The following PCDHGB2 variants were observed in gnomAD, a reference collection of about 807,000 sequenced individuals.
PCDHGB2 encodes the protein protocadherin gamma-B2.
A neutral mutation model predicts 59.3 loss-of-function variants in PCDHGB2; 55 were observed. The ratio of observed to expected loss-of-function variants is 0.93; its 90% CI spans 0.75 to 1.16. The LOEUF (loss-of-function observed/expected upper bound fraction) is 1.16. Ranked by LOEUF, PCDHGB2 falls within the 50% of genes most tolerant of loss-of-function variation. PCDHGB2 has a pLI of 0.00. For synonymous variants in PCDHGB2, 516 were observed against 512.0 expected (o/e 1.01, Z -0.11); for missense variants, 1,228 against 1,198.5 (o/e 1.02, Z -0.36).
rs1214164512 is a variant in PCDHGB2 at position 141,366,098 on chromosome 5, A to G, written c.2421+3542A>G. ...CGCAGAACCTGGCTACCTGGTGACC[A>G]AGGTGGTAGCGGTGGACAAAGATTC... On this transcript the variant is annotated intron_variant, in intron 1 of 3. Coordinates refer to ENST00000522605, the MANE Select transcript of PCDHGB2 (RefSeq NM_018923.3). The G allele has an allele frequency of 1.9e-6, 3 of 1,614,214 alleles. No homozygotes were observed. In the Admixed American group the frequency reaches 5.0e-5, roughly 27 times the overall value.
At chr5:141,422,576 C>T in intron 1 of PCDHGB2, 1 of 1,614,034 alleles carries the variant, frequency 6.2e-7, no homozygotes, top group South Asian at 1.1e-5. Context: ...AACGATAACC[C>T]TCCCGTTTTT....
rs769551114 is a variant in PCDHGB2, at chr5:141,402,989, T to A, written c.2421+40433T>A. On this transcript the variant is annotated intron_variant, in intron 1 of 3. Coordinates refer to ENST00000522605, the MANE Select transcript of PCDHGB2 (RefSeq NM_018923.3). ...AACCAAATGCCAGCTCCGCGGAAGA[T>A]TAGTCCTGCTATGCTCGCTCCTGGG... The A allele has an allele frequency of 2.5e-6, 4 of 1,611,874 alleles. No homozygotes were observed. Among genetic ancestry groups the A allele is most frequent in the Non-Finnish European group, 3.4e-6 (4 of 1,179,236 alleles).
At chr5:141,430,909 G>A (rs1054175762) in intron 1 of PCDHGB2, 2 of 1,607,160 alleles carry the variant, frequency 1.2e-6, no homozygotes, top group Non-Finnish European at 1.7e-6. Context: ...ACATCTCCAG[G>A]GACCTGGGGC....
Position 141,490,121 on chromosome 5 carries a change from G to A in PCDHGB2, c.2422-4686G>A. On this transcript the variant is annotated intron_variant, in intron 1 of 3. Coordinates refer to ENST00000522605, the MANE Select transcript of PCDHGB2 (RefSeq NM_018923.3). The surrounding 1 kb of genome is among the most constrained non-coding windows in gnomAD (Gnocchi z 5.4). Reference sequence around the variant, plus strand: ...TCTGAGGCAGTGCGGAACCTCTTTGGCCTAGACCCTAGCAGTGGGGCAATC... The same window carrying A: ...TCTGAGGCAGTGCGGAACCTCTTTGACCTAGACCCTAGCAGTGGGGCAATC... 1 of 1,614,256 alleles carries A rather than the reference G, an allele frequency of 6.2e-7. No individual in the cohort carries two copies. Among genetic ancestry groups the A allele is most frequent in the Non-Finnish European group, 8.5e-7 (1 of 1,180,052 alleles).
chr5:141,382,856 G>A, intron 1 of PCDHGB2: 1 of 1,504,886 alleles, frequency 6.6e-7, no homozygotes, highest in Non-Finnish European at 8.9e-7. Context: ...GCATTCTGAA[G>A]CACTTCCCGA....
At chr5:141,427,526 G>A (rs956426158) in intron 1 of PCDHGB2, 2 of 612,866 alleles carry the variant, frequency 3.3e-6, no homozygotes, top group Middle Eastern at 2.6e-4. Context: ...AGCGGATCCC[G>A]GAGTACAACG....
chr5:141,396,708 T>C (rs1402538886), intron 1 of PCDHGB2: 1 of 152,190 alleles, frequency 6.6e-6, no homozygotes, highest in Admixed American at 6.5e-5. Flanking sequence ...AGCATTTGAA[T>C]AAAGCTAATA....
chr5:141,409,820 C>T (rs1276944982), intron 1 of PCDHGB2: 4 of 1,610,926 alleles, frequency 2.5e-6, no homozygotes, highest in Non-Finnish European at 3.4e-6. Flanking sequence ...CCACGGCTCG[C>T]CCACGCTCAG....
At position 141,364,340 on chromosome 5, in the gene PCDHGB2, C is replaced by G. The variant is rs750695410; in HGVS notation, c.2421+1784C>G. The G allele has an allele frequency of 4.6e-6, 7 of 1,534,518 alleles. No individual in the cohort carries two copies. The highest frequency in any genetic ancestry group is 6.1e-6 in the Non-Finnish European group (7 of 1,144,800). On this transcript the variant is annotated intron_variant, in intron 1 of 3. Coordinates refer to ENST00000522605, the MANE Select transcript of PCDHGB2 (RefSeq NM_018923.3). The stretch of plus-strand genomic sequence containing the variant: ...GGGCAGAGAGAAGGCAATGGCGAGT[C>G]CACCTAGGGGCTGGGGCTGCGGAGA...
At chr5:141,455,534 A>G (rs985347185) in intron 1 of PCDHGB2, among the ~76,000 whole-genome samples, 1 of 152,178 alleles carries the variant, frequency 6.6e-6, no homozygotes, top group Non-Finnish European at 1.5e-5. Flanking sequence ...GACCAGGCAT[A>G]TCATTCACGT....
chr5:141,374,582 C>T, intron 1 of PCDHGB2: 1 of 1,613,744 alleles, frequency 6.2e-7, no homozygotes, highest in Non-Finnish European at 8.5e-7. Context: ...AATGAACTCC[C>T]TTCAGGGATT....
chr5:141,383,949 G>A (rs538018556), intron 1 of PCDHGB2: 18 of 1,613,702 alleles, frequency 1.1e-5, no homozygotes, highest in Non-Finnish European at 1.3e-5. Flanking sequence ...TGACTATGAC[G>A]TCTTTAAGTA....
chr5:141,478,521 G>A, intron 1 of PCDHGB2: 1 of 1,610,618 alleles, frequency 6.2e-7, no homozygotes, highest in Non-Finnish European at 8.5e-7. Context: ...CAGGTGTTGG[G>A]TGCAGAGAGC....
chr5:141,365,547 C>A, intron 1 of PCDHGB2: 1 of 1,613,738 alleles, frequency 6.2e-7, no homozygotes, highest in Non-Finnish European at 8.5e-7. Flanking sequence ...CACCTATTAA[C>A]AACTAGGGAC....
intron 1 of PCDHGB2, chr5:141,417,885 G>T (rs761442517): frequency 3.8e-6 from 6 of 1,562,926 alleles, no homozygotes; most frequent in South Asian, 1.2e-5. Context: ...GCGCAGAGGC[G>T]CCGGGCCGGC....
chr5:141,468,330 CAA>C lies in PCDHGB2; in HGVS notation c.2422-26459_2422-26458del, dbSNP rs533390277. 202 of 79,822 alleles carry C rather than the reference CAA, an allele frequency of 2.5e-3. 2 individuals are homozygous for C. The highest frequency in any genetic ancestry group is 7.9e-3 in the Middle Eastern group (1 of 126). The allele number at this position is 79,822 out of a possible 1,614,324, so 4.9% of individuals were successfully genotyped here. Reference sequence around the variant, plus strand: ...ACAAGAGCAACGGTAAACTCCATCTCAAAAAAAAAAAAAAAAAAAGAAAGAAA... The same window carrying C: ...ACAAGAGCAACGGTAAACTCCATCTCAAAAAAAAAAAAAAAAAGAAAGAAA... On this transcript the variant is annotated intron_variant, in intron 1 of 3. Transcript: ENST00000522605.
intron 1 of PCDHGB2, among the ~76,000 whole-genome samples, chr5:141,465,879 T>C (rs979784878): frequency 6.6e-6 from 1 of 152,062 alleles, no homozygotes; most frequent in African/African-American, 2.4e-5. Context: ...TCCCAGCACT[T>C]TGGGAGGCCG....
intron 1 of PCDHGB2, chr5:141,374,688 G>T (rs750510871): frequency 1.2e-6 from 2 of 1,609,528 alleles, no homozygotes; most frequent in South Asian, 2.2e-5. Context: ...ACACTGGACC[G>T]GGAAGGAGAA....
intron 1 of PCDHGB2, chr5:141,375,029 G>T (rs1265395615): frequency 6.2e-7 from 1 of 1,614,032 alleles, no homozygotes; most frequent in Admixed American, 1.7e-5. Context: ...GAGTTTTTAT[G>T]AGCTGGGTGT....
Sources: gnomAD v4.1 joint callset for allele counts (sites outside exome capture counted in the v4.1 genomes callset) on GRCh38, gnomAD v4.1.1 for gene constraint, Gnocchi (gnomAD v3.1) non-coding constraint, MANE v1.5 for transcripts, NCBI Gene and HGNC (gene_info 2026-07-23, HGNC 2026-07-21) for gene names.